C11orf42: variants seen among roughly 807,000 people sequenced by gnomAD.
C11orf42 encodes uncharacterized protein C11orf42.
C11orf42 carries 24 observed loss-of-function variants against 27.9 expected under a neutral mutation model. The observed-to-expected ratio is 0.86, with a 90% CI of 0.62 to 1.21. C11orf42 has a LOEUF of 1.21. Among genes scored for constraint, C11orf42 ranks in the 50% most tolerant of loss-of-function variants. The pLI is 0.00. For missense variants in C11orf42, 455 were observed against 424.1 expected, an observed-to-expected ratio of 1.07 and a Z score of -0.64; for synonymous variants, 187 against 180.8, an observed-to-expected ratio of 1.03 and a Z score of -0.28.
chr11:6,209,863 A>C lies in C11orf42; in HGVS notation c.86A>C (p.His29Pro), dbSNP rs1847024594. The C allele has an allele frequency of 6.3e-7, 1 of 1,585,986 alleles. No homozygotes were observed. Among genetic ancestry groups the C allele is most frequent in the African/African-American group, 1.3e-5 (1 of 74,444 alleles). ...TLIKDKVIEE[H>P]FGPNAVAVPF... The stretch of plus-strand genomic sequence containing the variant: ...GGCCACCTGCAGGTCATCGAGGAGC[A>C]CTTTGGGCCCAATGCAGTAGCAGTA... The change falls in exon 2 of 3, where the codon CAC becomes CCC. Residue 29 changes from histidine (H) to proline (P), a missense_variant. Physicochemically the swap from His to Pro is moderately conservative, Grantham distance 77. Coordinates refer to ENST00000316375, the MANE Select transcript of C11orf42 (RefSeq NM_173525.3).
Position 6,210,405 on chromosome 11 carries a change from C to T in C11orf42, c.628C>T (p.Pro210Ser). ...FSLQSKGVLG[P>S]QKPLTKDPLP... is the part of the protein sequence containing the mutation. ...ACTGCAGTCTAAGGGCGTGCTGGGA[C>T]CACAGAAGCCTCTCACTAAAGACCC... Residue 210 changes from proline to serine, a missense_variant, in exon 2 of 3, where the codon CCA becomes TCA. Pro to Ser is a moderately conservative substitution (Grantham distance 74, BLOSUM62 -1). Coordinates refer to ENST00000316375, the MANE Select transcript of C11orf42 (RefSeq NM_173525.3). This position sits in a 1 kb window ranked among gnomAD's most constrained non-coding sequence, Gnocchi z 4.0. 2 of 1,614,218 alleles carry T rather than the reference C, an allele frequency of 1.2e-6. No homozygotes were observed. Among genetic ancestry groups the T allele is most frequent in the Non-Finnish European group, 1.7e-6 (2 of 1,180,030 alleles).
Position 6,211,049 on chromosome 11 carries a change from A to G in C11orf42, c.*7A>G. 1 of 1,610,034 alleles carries G rather than the reference A, an allele frequency of 6.2e-7. No individual in the cohort carries two copies. On this transcript the variant is annotated 3_prime_UTR_variant, in exon 3 of 3. Transcript: ENST00000316375. ...GTTCGACAGTGACGACTGAAGCTGA[A>G]GCAAAAGATTCCGGGGGCAAAGCCC...
intron 1 of C11orf42, among the ~76,000 whole-genome samples, chr11:6,206,569 A>G (rs1846981806): frequency 6.8e-6 from 1 of 147,168 alleles, no homozygotes. Flanking sequence ...AAAAAAAAAA[A>G]TCTTAAAGCA....
rs1441607680 is a variant in C11orf42 at position 6,210,695 on chromosome 11, G to T, written c.871+47G>T. The T allele has an allele frequency of 6.4e-7, 1 of 1,570,496 alleles. No individual in the cohort carries two copies. Among genetic ancestry groups the T allele is most frequent in the Non-Finnish European group, 8.7e-7 (1 of 1,148,714 alleles). On this transcript the variant is annotated intron_variant, in intron 2 of 2. Transcript: ENST00000316375. This position sits in a 1 kb window ranked among gnomAD's most constrained non-coding sequence, Gnocchi z 4.0. ...ATGAGATGGATGGGAGGGACAAAGT[G>T]AAGGAGGGAGAAGGCATGAGAATTA...
At position 6,210,630 on chromosome 11, in the gene C11orf42, G is replaced by C. The variant is rs1301170692; in HGVS notation, c.853G>C (p.Gly285Arg). ...CAAGGGCCGAAACCCCTTCTGGAGGGGGCCCCAGATACTGTCAGGTACTAC... is the reference window on the plus strand; with the variant it reads ...CAAGGGCCGAAACCCCTTCTGGAGGCGGCCCCAGATACTGTCAGGTACTAC... The part of the protein sequence containing the change: ...SYKGRNPFWR[G>R]PQILSENWLF... The change falls in exon 2 of 3, where the codon GGG becomes CGG. Residue 285 changes from glycine (G) to arginine (R), a missense_variant. Transcript: ENST00000316375. This position sits in a 1 kb window ranked among gnomAD's most constrained non-coding sequence, Gnocchi z 4.0. 3.1e-6 allele frequency: 5 copies of C among 1,614,050 alleles called. No individual in the cohort carries two copies. The Admixed American group carries it at 8.3e-5, about 27-fold the overall frequency.
chr11:6,205,610 C>T lies in C11orf42; in HGVS notation c.-6C>T. ...CTGCCCTGCCCAATCCCTCCCATAC[C>T]CCACCATGTTGGTGGGTACCCCCAA... On this transcript the variant is annotated 5_prime_UTR_variant, in exon 1 of 3. Transcript: ENST00000316375. 6.2e-7 allele frequency: 1 copy of T among 1,613,066 alleles called. No homozygotes were observed. The highest frequency in any genetic ancestry group is 8.5e-7 in the Non-Finnish European group (1 of 1,179,258).
In C11orf42 at chr11:6,209,968, CTTTG is replaced by C; in HGVS notation, c.192_195del (p.Leu65GlnfsTer9). 3.1e-6 allele frequency: 5 copies of C among 1,613,594 alleles called. No homozygotes were observed. The highest frequency in any genetic ancestry group is 1.1e-5 in the South Asian group (1 of 91,084). On this transcript the variant is annotated frameshift_variant, in exon 2 of 3. Coordinates refer to ENST00000316375, the MANE Select transcript of C11orf42 (RefSeq NM_173525.3). LOFTEE classifies it high-confidence loss of function. ...TCCCGCCCAGCCCATACCCGCCTGG[CTTTG>C]CCAGGTCGGCAGGGCCGGAGGGCAC... is the stretch of plus-strand genomic sequence containing the variant.
At chr11:6,207,397 A>G (rs2133762153) in intron 1 of C11orf42, among the ~76,000 whole-genome samples, 1 of 152,296 alleles carries the variant, frequency 6.6e-6, no homozygotes, top group African/African-American at 2.4e-5. Context: ...TAAGCACCAG[A>G]TATATTAAAT....
Position 6,205,599 on chromosome 11 carries a change from C to T in C11orf42, c.-17C>T, listed in dbSNP as rs758881477. 6.2e-7 allele frequency: 1 copy of T among 1,610,750 alleles called. No individual in the cohort carries two copies. The highest frequency in any genetic ancestry group is 8.5e-7 in the Non-Finnish European group (1 of 1,177,522). On this transcript the variant is annotated 5_prime_UTR_variant, in exon 1 of 3. Transcript: ENST00000316375. ...TGCAGCAGCCACTGCCCTGCCCAAT[C>T]CCTCCCATACCCCACCATGTTGGTG... is the stretch of plus-strand genomic sequence containing the variant.
Position 6,210,963 on chromosome 11 carries a change from G to A in C11orf42, c.923G>A (p.Gly308Asp). 6.2e-7 allele frequency: 1 copy of A among 1,606,726 alleles called. No individual in the cohort carries two copies. Residue 308 changes from glycine (G) to aspartate (D), a missense_variant, in exon 3 of 3, where the codon GGC (glycine) becomes GAC (aspartate). Transcript: ENST00000316375. This position sits in a 1 kb window ranked among gnomAD's most constrained non-coding sequence, Gnocchi z 4.0. ...CCTCCACCAGGAGCCCAGGGTGGGG[G>A]CCCCAGGGACCCCGACGGGCACTCC... ...RSPPPGAQGG[G>D]PRDPDGHSMS...
In C11orf42 at chr11:6,210,649, GTAC is replaced by G; in HGVS notation, c.871+7_871+9del. On this transcript the variant is annotated splice_donor_variant and splice_donor_region_variant and intron_variant, in intron 2 of 2. Transcript: ENST00000316375. LOFTEE classifies it high-confidence loss of function. This position sits in a 1 kb window ranked among gnomAD's most constrained non-coding sequence, Gnocchi z 4.0. Reference sequence around the variant, plus strand: ...TGGAGGGGGCCCCAGATACTGTCAGGTACTACTAGGGGAAATGATGATGAGATG... The same window carrying G: ...TGGAGGGGGCCCCAGATACTGTCAGGTACTAGGGGAAATGATGATGAGATG... The G allele has an allele frequency of 6.2e-7, 1 of 1,612,704 alleles. No homozygotes were observed. The highest frequency in any genetic ancestry group is 1.7e-5 in the Admixed American group (1 of 59,818).
intron 1 of C11orf42, among the ~76,000 whole-genome samples, chr11:6,208,200 A>T (rs1485180852): frequency 1.3e-5 from 2 of 151,920 alleles, no homozygotes; most frequent in Non-Finnish European, 2.9e-5. Flanking sequence ...AAACAAACAA[A>T]CAAACAAACC....
In C11orf42 at chr11:6,210,250, G is replaced by A. The variant is rs1374758292; in HGVS notation, c.473G>A (p.Ser158Asn). The change falls in exon 2 of 3, where the codon AGC (serine) becomes AAC (asparagine). Residue 158 changes from serine (S) to asparagine (N), a missense_variant. Transcript: ENST00000316375. This position sits in a 1 kb window ranked among gnomAD's most constrained non-coding sequence, Gnocchi z 4.0. Reference protein sequence around the residue: ...QTLPWLRSTHSIYVIYQVFSC... With the variant: ...QTLPWLRSTHNIYVIYQVFSC... ...CTTCCCTGGCTCCGAAGCACCCACA[G>A]CATCTATGTCATCTACCAGGTCTTC... The A allele has an allele frequency of 6.2e-7, 1 of 1,614,248 alleles. No individual in the cohort carries two copies. Among genetic ancestry groups the A allele is most frequent in the Admixed American group, 1.7e-5 (1 of 60,028 alleles).
chr11:6,210,630 G>T lies in C11orf42; in HGVS notation c.853G>T (p.Gly285Trp). The stretch of plus-strand genomic sequence containing the variant: ...CAAGGGCCGAAACCCCTTCTGGAGG[G>T]GGCCCCAGATACTGTCAGGTACTAC... ...SYKGRNPFWR[G>W]PQILSENWLF... is the part of the protein sequence containing the mutation. The change falls in exon 2 of 3, where the codon GGG (glycine) becomes TGG (tryptophan). Residue 285 changes from glycine to tryptophan, a missense_variant. Transcript: ENST00000316375. The surrounding 1 kb of genome is among the most constrained non-coding windows in gnomAD (Gnocchi z 4.0). 2 of 1,614,050 alleles carry T rather than the reference G, an allele frequency of 1.2e-6. No homozygotes were observed. Among genetic ancestry groups the T allele is most frequent in the African/African-American group, 1.3e-5 (1 of 75,048 alleles).
Position 6,210,610 on chromosome 11 carries a change from G to A in C11orf42, c.833G>A (p.Gly278Asp). ...EDKPTRFSYK[G>D]RNPFWRGPQI... ...AAACCCACCAGATTCTCCTACAAGG[G>A]CCGAAACCCCTTCTGGAGGGGGCCC... The change falls in exon 2 of 3, where the codon GGC (glycine) becomes GAC (aspartate). Residue 278 changes from glycine to aspartate, a missense_variant. Gly to Asp is a moderately conservative substitution (Grantham distance 94). Transcript: ENST00000316375. This position sits in a 1 kb window ranked among gnomAD's most constrained non-coding sequence, Gnocchi z 4.0. 1.2e-6 allele frequency: 2 copies of A among 1,614,150 alleles called. No individual in the cohort carries two copies. The highest frequency in any genetic ancestry group is 1.3e-5 in the African/African-American group (1 of 75,050).
intron 1 of C11orf42, among the ~76,000 whole-genome samples, chr11:6,206,095 G>C (rs991288521): frequency 1.3e-5 from 2 of 152,138 alleles, no homozygotes; most frequent in African/African-American, 4.8e-5. Flanking sequence ...AGGGTGGTGA[G>C]TGTATAGTAA....
chr11:6,207,083 C>A (rs1366222234), intron 1 of C11orf42, among the ~76,000 whole-genome samples: 2 of 152,268 alleles, frequency 1.3e-5, no homozygotes, highest in African/African-American at 4.8e-5. Context: ...CCATCACTTT[C>A]CTGGGATGCC....
In C11orf42 at chr11:6,210,783, TG is replaced by T. The variant is rs1847049403; in HGVS notation, c.872-125del. On this transcript the variant is annotated intron_variant, in intron 2 of 2. Transcript: ENST00000316375. The surrounding 1 kb of genome is among the most constrained non-coding windows in gnomAD (Gnocchi z 4.0). ...GTGAAAGAGATGGAATGAGGGAGAC[TG>T]GGGAGGGTGAGATGGAATGAGGAGG... 1 of 1,382,752 alleles carries T rather than the reference TG, an allele frequency of 7.2e-7. No individual in the cohort carries two copies. The highest frequency in any genetic ancestry group is 1.5e-5 in the African/African-American group (1 of 68,424). 85.7% of individuals were successfully genotyped at this position (1,382,752 alleles called of 1,614,324 possible).
Position 6,211,085 on chromosome 11 carries a change from G to C in C11orf42, c.*43G>C. 1 of 1,604,140 alleles carries C rather than the reference G, an allele frequency of 6.2e-7. No homozygotes were observed. ...CCGGGGGCAAAGCCCCCAAGATCTG[G>C]CATAGGGGTACTGGTCTCTAATAAA... is the stretch of plus-strand genomic sequence containing the variant. On this transcript the variant is annotated 3_prime_UTR_variant, in exon 3 of 3. Coordinates refer to ENST00000316375, the MANE Select transcript of C11orf42 (RefSeq NM_173525.3).
Sources: allele counts gnomAD v4.1 joint callset (sites outside exome capture counted in the v4.1 genomes callset), GRCh38; gene constraint gnomAD v4.1.1; non-coding constraint Gnocchi (gnomAD v3.1); transcripts MANE v1.5; gene names NCBI Gene and HGNC (gene_info 2026-07-23, HGNC 2026-07-21).